The following ZNF420 variants were observed in gnomAD, a reference collection of about 807,000 sequenced individuals.
ZNF420 encodes the protein ATM and p53-associated KZNF protein.
ZNF420 carries 31 observed loss-of-function variants against 44.7 expected under a neutral mutation model. The ratio of observed to expected loss-of-function variants is 0.69; its 90% CI spans 0.52 to 0.94. ZNF420 has a LOEUF of 0.94. Ranked by LOEUF, ZNF420 falls within the 40% of genes least tolerant of loss-of-function variation. The pLI is 0.00. For missense variants in ZNF420, 681 were observed against 827.9 expected (o/e 0.82, Z 2.18); for synonymous variants, 245 against 267.4 (o/e 0.92, Z 0.82).
chr19:37,075,786 G>A (rs1019637307), upstream of ZNF420, among the ~76,000 whole-genome samples: 2 of 151,908 alleles, frequency 1.3e-5, no homozygotes, highest in Non-Finnish European at 2.9e-5. Context: ...CAAAAACAGA[G>A]AGAGAGGGAG....
chr19:37,128,922 A>T lies in ZNF420; in HGVS notation c.1931A>T (p.Gln644Leu). The T allele has an allele frequency of 1.2e-6, 2 of 1,614,088 alleles. No homozygotes were observed. The highest frequency in any genetic ancestry group is 1.7e-6 in the Non-Finnish European group (2 of 1,179,978). ...ATTCATACTGGTGAGAAACCATATC[A>T]ATGTAAGGAATGTGGGAAGGCCTTT... ...QRIHTGEKPY[Q>L]CKECGKAFTR... Residue 644 changes from glutamine to leucine, a missense_variant, in exon 5 of 5, where the codon CAA (glutamine) becomes CTA (leucine). Physicochemically the swap from Gln to Leu is moderately radical, Grantham distance 113. Coordinates refer to ENST00000337995, the MANE Select transcript of ZNF420 (RefSeq NM_144689.5).
At chr19:37,032,487 G>A (rs1268181047) in intron 1 of ZNF420, among the ~76,000 whole-genome samples, 1 of 147,168 alleles carries the variant, frequency 6.8e-6, no homozygotes, top group African/African-American at 2.5e-5. Context: ...CTGCGCAGCA[G>A]AGTGAGACTC....
chr19:37,089,317 A>G (rs1969003408), intron 3 of ZNF420, among the ~76,000 whole-genome samples, 190 bp downstream of exon 3: 1 of 152,188 alleles, frequency 6.6e-6, no homozygotes, highest in South Asian at 2.1e-4. Flanking sequence ...TTAGTCACAT[A>G]CTTACTCAAC....
chr19:37,090,609 A>G (rs1048489978), intron 3 of ZNF420, among the ~76,000 whole-genome samples: 2 of 151,034 alleles, frequency 1.3e-5, no homozygotes, highest in African/African-American at 4.9e-5. Context: ...AGGGATCTTC[A>G]TCTCCCTCTC....
intron 1 of ZNF420, among the ~76,000 whole-genome samples, chr19:37,036,729 A>C (rs1284814718): frequency 6.6e-6 from 1 of 152,222 alleles, no homozygotes; most frequent in South Asian, 2.1e-4. Flanking sequence ...CCATCCAAGC[A>C]TATAGAGCTC....
At chr19:37,037,742 G>A (rs956540538) in intron 1 of ZNF420, among the ~76,000 whole-genome samples, 6 of 152,160 alleles carry the variant, frequency 3.9e-5, no homozygotes, top group South Asian at 2.1e-4. Flanking sequence ...CAGGTGATCC[G>A]TCCACCTTGG....
At chr19:37,023,373 T>G (rs183078528) in intron 1 of ZNF420, among the ~76,000 whole-genome samples, 14 of 152,268 alleles carry the variant, frequency 9.2e-5, no homozygotes, top group African/African-American at 2.9e-4. Flanking sequence ...TCTTTCTTTT[T>G]TTTTCTTTTT....
chr19:37,041,753 C>G (rs532621623), intron 1 of ZNF420, among the ~76,000 whole-genome samples: 5 of 152,258 alleles, frequency 3.3e-5, no homozygotes, highest in African/African-American at 1.2e-4. Context: ...TTGAAGAGTT[C>G]ATTCATGCTC....
chr19:37,057,710 G>C (rs1318611243), intron 1 of ZNF420, among the ~76,000 whole-genome samples: 2 of 152,080 alleles, frequency 1.3e-5, no homozygotes, highest in East Asian at 3.9e-4. Flanking sequence ...GAGATGCGTC[G>C]GTCCCGGAGC....
At chr19:37,103,342 TTATC>T (rs1293559529) in intron 4 of ZNF420, among the ~76,000 whole-genome samples, 2 of 152,246 alleles carry the variant, frequency 1.3e-5, no homozygotes, top group Non-Finnish European at 2.9e-5. Flanking sequence ...TATGTCAGTT[TTATC>T]TATCTTCCTA....
chr19:37,078,760 A>C (rs1311997871), intron 1 of ZNF420, among the ~76,000 whole-genome samples, 190 bp downstream of exon 1: 2 of 151,836 alleles, frequency 1.3e-5, no homozygotes, highest in East Asian at 3.9e-4. Flanking sequence ...GTGAGTTGTG[A>C]CTCTGAGGGT....
At chr19:37,056,217 G>A (rs1011465740) in intron 1 of ZNF420, among the ~76,000 whole-genome samples, 3 of 152,116 alleles carry the variant, frequency 2.0e-5, no homozygotes, top group African/African-American at 7.2e-5. Context: ...GGTGAACTTT[G>A]CAGAAACCTC....
chr19:37,044,538 A>G (rs1568427976), intron 1 of ZNF420, among the ~76,000 whole-genome samples: 1 of 151,532 alleles, frequency 6.6e-6, no homozygotes, highest in Non-Finnish European at 1.5e-5. Context: ...TAATCCTAAA[A>G]CCCCCAAGCA....
At chr19:37,023,312 C>T (rs1443612144) in intron 1 of ZNF420, among the ~76,000 whole-genome samples, 1 of 152,130 alleles carries the variant, frequency 6.6e-6, no homozygotes, top group South Asian at 2.1e-4. Flanking sequence ...TCCTCTATTA[C>T]GAATGGTTCG....
At chr19:37,056,601 G>C (rs993952357) in intron 1 of ZNF420, among the ~76,000 whole-genome samples, 1 of 152,132 alleles carries the variant, frequency 6.6e-6, no homozygotes, top group African/African-American at 2.4e-5. Flanking sequence ...AGGGCTCATG[G>C]GTCAGTGAAT....
At chr19:37,124,516 CCA>C (rs557328705) in intron 4 of ZNF420, among the ~76,000 whole-genome samples, 1 of 152,150 alleles carries the variant, frequency 6.6e-6, no homozygotes, top group Non-Finnish European at 1.5e-5. Flanking sequence ...TAAGAAACTA[CCA>C]CACTCTTTTT....
At chr19:37,062,702 A>T (rs1437606491) in intron 1 of ZNF420, among the ~76,000 whole-genome samples, 1 of 152,204 alleles carries the variant, frequency 6.6e-6, no homozygotes, top group African/African-American at 2.4e-5. Flanking sequence ...GCCTTATAGA[A>T]TAAGATAATA....
chr19:37,099,813 C>T (rs1462625697), intron 4 of ZNF420, among the ~76,000 whole-genome samples: 3 of 152,004 alleles, frequency 2.0e-5, no homozygotes, highest in Admixed American at 6.6e-5. Flanking sequence ...TTAGTAGAGA[C>T]GGTGTTTCAC....
At chr19:37,016,294 G>A (rs1043983358) in intron 1 of ZNF420, among the ~76,000 whole-genome samples, 1 of 152,210 alleles carries the variant, frequency 6.6e-6, no homozygotes, top group Non-Finnish European at 1.5e-5. Flanking sequence ...CTCTCAGCAC[G>A]GAACCATTGG....
Sources: allele counts gnomAD v4.1 joint callset (sites outside exome capture counted in the v4.1 genomes callset), GRCh38; gene constraint gnomAD v4.1.1; transcripts MANE v1.5; gene names NCBI Gene and HGNC (gene_info 2026-07-23, HGNC 2026-07-21).